HS6ST3: variants seen among roughly 807,000 people sequenced by gnomAD.
HS6ST3 encodes heparan-sulfate 6-O-sulfotransferase 3.
A neutral mutation model predicts 36.7 loss-of-function variants in HS6ST3; 12 were observed. The ratio of observed to expected loss-of-function variants is 0.33; its 90% CI spans 0.21 to 0.53. The LOEUF (loss-of-function observed/expected upper bound fraction) is 0.53. Ranked by LOEUF, HS6ST3 falls within the 20% of genes least tolerant of loss-of-function variation. The pLI, the probability that HS6ST3 is intolerant of heterozygous loss-of-function variation, is 0.95. For synonymous variants in HS6ST3, 240 were observed against 257.5 expected, an observed-to-expected ratio of 0.93 and a Z score of 0.65; for missense variants, 584 against 640.9, an observed-to-expected ratio of 0.91 and a Z score of 0.96.
chr13:96,106,768 G>T (rs972422277), intron 1 of HS6ST3, among the ~76,000 whole-genome samples: 1 of 152,212 alleles, frequency 6.6e-6, no homozygotes, highest in East Asian at 1.9e-4. Flanking sequence ...GAAGTACAAA[G>T]CAAGGTCATT....
chr13:96,768,534 T>G (rs1877178707), intron 1 of HS6ST3, among the ~76,000 whole-genome samples: 1 of 152,168 alleles, frequency 6.6e-6, no homozygotes, highest in Non-Finnish European at 1.5e-5. Flanking sequence ...ACATGAATAC[T>G]CAAACTCCAT....
intron 1 of HS6ST3, among the ~76,000 whole-genome samples, chr13:96,093,336 A>G (rs1032375732): frequency 6.6e-6 from 1 of 152,198 alleles, no homozygotes; most frequent in Non-Finnish European, 1.5e-5. Context: ...TTAGTGATGA[A>G]TAATGTTACT....
chr13:96,285,592 C>T (rs993536017), intron 1 of HS6ST3, among the ~76,000 whole-genome samples: 2 of 152,090 alleles, frequency 1.3e-5, no homozygotes, highest in South Asian at 2.1e-4. Flanking sequence ...CAATATTTAC[C>T]GTTACTCTAA....
At chr13:96,406,920 G>A (rs2055481622) in intron 1 of HS6ST3, among the ~76,000 whole-genome samples, 4 of 148,654 alleles carry the variant, frequency 2.7e-5, no homozygotes, top group African/African-American at 7.5e-5. Context: ...CATTTTTTTT[G>A]TAGACAAGAT....
At chr13:96,420,219 T>C (rs954998165) in intron 1 of HS6ST3, among the ~76,000 whole-genome samples, 1 of 151,964 alleles carries the variant, frequency 6.6e-6, no homozygotes, top group Non-Finnish European at 1.5e-5. Context: ...GGGGAAAGAG[T>C]GCTGGGAGTC....
chr13:96,669,585 G>T (rs1374659455), intron 1 of HS6ST3, among the ~76,000 whole-genome samples: 1 of 152,120 alleles, frequency 6.6e-6, no homozygotes, highest in African/African-American at 2.4e-5. Context: ...GGTAACCAGG[G>T]CATATGCATG....
chr13:96,561,215 C>T (rs558122325), intron 1 of HS6ST3, among the ~76,000 whole-genome samples: 47 of 152,098 alleles, frequency 3.1e-4, no homozygotes, highest in East Asian at 7.7e-4. Context: ...GAATAGAGAA[C>T]GCAGAAATAA....
chr13:96,137,793 A>G, intron 1 of HS6ST3, among the ~76,000 whole-genome samples: 1 of 152,208 alleles, frequency 6.6e-6, no homozygotes, highest in Non-Finnish European at 1.5e-5. Context: ...CCAGGGAAGC[A>G]GATAAGGAAG....
chr13:96,749,996 A>G (rs1297212720), intron 1 of HS6ST3, among the ~76,000 whole-genome samples: 1 of 152,194 alleles, frequency 6.6e-6, no homozygotes, highest in Non-Finnish European at 1.5e-5. Context: ...ACTATTTGAT[A>G]ATTAAATTGA....
chr13:96,412,215 G>A (rs764244500), intron 1 of HS6ST3, among the ~76,000 whole-genome samples: 61 of 152,200 alleles, frequency 4.0e-4, no homozygotes, highest in Non-Finnish European at 7.4e-4. Flanking sequence ...ATGTTGGCCA[G>A]GATGGTCTCG....
At chr13:96,601,610 A>G (rs922308103) in intron 1 of HS6ST3, among the ~76,000 whole-genome samples, 2 of 152,138 alleles carry the variant, frequency 1.3e-5, no homozygotes, top group African/African-American at 4.8e-5. Flanking sequence ...TGTCTGGTAT[A>G]TCAAAGATTT....
chr13:96,671,820 A>ACATTC, intron 1 of HS6ST3, among the ~76,000 whole-genome samples: 1 of 152,126 alleles, frequency 6.6e-6, no homozygotes, highest in Non-Finnish European at 1.5e-5. Context: ...CTGAGGTAGG[A>ACATTC]TGGGTTAAGA....
intron 1 of HS6ST3, among the ~76,000 whole-genome samples, chr13:96,786,327 T>C (rs1878530391): frequency 6.6e-6 from 1 of 152,144 alleles, no homozygotes; most frequent in Admixed American, 6.5e-5. Flanking sequence ...CAGTTCTTGG[T>C]AGCACTTACC....
chr13:96,138,506 T>G (rs1222479696), intron 1 of HS6ST3, among the ~76,000 whole-genome samples: 1 of 151,180 alleles, frequency 6.6e-6, no homozygotes, highest in African/African-American at 2.4e-5. Context: ...TTAATAAAAT[T>G]TGATACATTT....
chr13:96,179,801 A>T (rs113964213), intron 1 of HS6ST3, among the ~76,000 whole-genome samples: 3 of 145,326 alleles, frequency 2.1e-5, no homozygotes, highest in African/African-American at 7.6e-5. Context: ...ATCTTTACTT[A>T]TGTTTTGTAT....
intron 1 of HS6ST3, among the ~76,000 whole-genome samples, chr13:96,303,205 C>A (rs2054892491): frequency 6.6e-6 from 1 of 152,282 alleles, no homozygotes; most frequent in South Asian, 2.1e-4. Flanking sequence ...GATGCCTAAA[C>A]TTCTCTAAAG....
chr13:96,715,091 G>T (rs1875659695), intron 1 of HS6ST3, among the ~76,000 whole-genome samples: 1 of 152,024 alleles, frequency 6.6e-6, no homozygotes, highest in Admixed American at 6.6e-5. Context: ...TAAATACATT[G>T]TAATCACAAA....
chr13:96,268,787 A>G (rs2054705142), intron 1 of HS6ST3, among the ~76,000 whole-genome samples: 2 of 151,956 alleles, frequency 1.3e-5, no homozygotes, highest in African/African-American at 2.4e-5. Context: ...TTGTATTTAC[A>G]TGCAATATAA....
intron 1 of HS6ST3, among the ~76,000 whole-genome samples, chr13:96,598,441 G>T (rs2056409893): frequency 6.6e-6 from 1 of 151,914 alleles, no homozygotes; most frequent in Non-Finnish European, 1.5e-5. Flanking sequence ...TGTAGCTATT[G>T]TAAAAGGGTT....
Sources: gnomAD v4.1 joint callset for allele counts (sites outside exome capture counted in the v4.1 genomes callset) on GRCh38, gnomAD v4.1.1 for gene constraint, MANE v1.5 for transcripts, NCBI Gene and HGNC (gene_info 2026-07-23, HGNC 2026-07-21) for gene names.